ATP1B1: variants seen among roughly 807,000 people sequenced by gnomAD.
The protein encoded by ATP1B1 is ATPase Na+/K+ transporting subunit beta 1.
In ATP1B1, 3 loss-of-function variants were observed where a neutral mutation model predicts 39.6. The observed-to-expected ratio is 0.08, with a 90% CI of 0.03 to 0.20. ATP1B1 has a LOEUF of 0.20. Ranked by LOEUF, ATP1B1 falls within the 10% of genes least tolerant of loss-of-function variation. ATP1B1 has a pLI of 1.00. For missense variants in ATP1B1, 216 were observed against 371.1 expected, an observed-to-expected ratio of 0.58 and a Z score of 3.43; for synonymous variants, 139 against 135.0, an observed-to-expected ratio of 1.03 and a Z score of -0.20.
chr1:169,126,526 A>G (rs1571227037), intron 3 of ATP1B1, among the ~76,000 whole-genome samples: 1 of 152,196 alleles, frequency 6.6e-6, no homozygotes, highest in African/African-American at 2.4e-5. Flanking sequence ...AGCCTGGGCA[A>G]CACAGCAAGA....
intron 2 of ATP1B1, among the ~76,000 whole-genome samples, chr1:169,114,095 A>G (rs549877121): frequency 8.6e-4 from 113 of 131,634 alleles, no homozygotes; most frequent in Admixed American, 4.1e-3. Flanking sequence ...CACAAAGTGC[A>G]GCTCTTGGGC....
intron 2 of ATP1B1, among the ~76,000 whole-genome samples, chr1:169,118,407 G>C (rs553197276): frequency 1.3e-5 from 2 of 152,228 alleles, no homozygotes; most frequent in African/African-American, 4.8e-5. Context: ...CAGGCAGGGA[G>C]ATTTATTCCT....
In ATP1B1 at chr1:169,131,576, C is replaced by T. The variant is rs14824; in HGVS notation, c.*21C>T. The T allele has an allele frequency of 6.3e-7, 1 of 1,588,244 alleles. No homozygotes were observed. Among genetic ancestry groups the T allele is most frequent in the Admixed American group, 1.9e-5 (1 of 53,876 alleles). ...GCTGATCACAAGCACAAATCTTTCCCACTAGCCATTTAATAAGTTAAAAAA... is the reference window on the plus strand; with the variant it reads ...GCTGATCACAAGCACAAATCTTTCCTACTAGCCATTTAATAAGTTAAAAAA... On this transcript the variant is annotated 3_prime_UTR_variant, in exon 6 of 6. Transcript: ENST00000367815. This position sits in a 1 kb window ranked among gnomAD's most constrained non-coding sequence, Gnocchi z 4.4.
At chr1:169,107,577 T>G (rs1464323847) in intron 1 of ATP1B1, among the ~76,000 whole-genome samples, 1 of 152,024 alleles carries the variant, frequency 6.6e-6, no homozygotes, top group East Asian at 1.9e-4. Flanking sequence ...AAAGTCTGGT[T>G]GTTTTCAAGG....
chr1:169,128,090 A>G (rs115623296), intron 4 of ATP1B1, among the ~76,000 whole-genome samples: 342 of 152,246 alleles, frequency 2.2e-3, no homozygotes, highest in Non-Finnish European at 4.3e-3. Flanking sequence ...ATAAGAATGG[A>G]AAATTTATCG....
At chr1:169,116,047 G>A (rs766341151) in intron 2 of ATP1B1, among the ~76,000 whole-genome samples, 5 of 152,188 alleles carry the variant, frequency 3.3e-5, no homozygotes, top group African/African-American at 4.8e-5. Context: ...GCACAGGCAC[G>A]CACACCCACG....
intron 2 of ATP1B1, among the ~76,000 whole-genome samples, chr1:169,113,354 A>T (rs775078836): frequency 6.6e-6 from 1 of 152,154 alleles, no homozygotes; most frequent in Non-Finnish European, 1.5e-5. Flanking sequence ...AGCATGAGCT[A>T]CCATGCCTGG....
intron 1 of ATP1B1, chr1:169,110,835 C>A: frequency 2.1e-6 from 1 of 476,690 alleles, no homozygotes; most frequent in Non-Finnish European, 3.3e-6. Flanking sequence ...GATATCATCA[C>A]TGGGTTTCTC....
rs1432022041 is a variant in ATP1B1 at position 169,132,632 on chromosome 1, CAT to C, written c.*1080_*1081del. On this transcript the variant is annotated 3_prime_UTR_variant, in exon 6 of 6. Coordinates refer to ENST00000367815, the MANE Select transcript of ATP1B1 (RefSeq NM_001677.4). ...CTACAGTGCAAAATCCATGTTCTAA[CAT>C]ATGTAATAATTGCCAGGAGTACAGT... 8 of 640,046 alleles carry C rather than the reference CAT, an allele frequency of 1.2e-5. No homozygotes were observed. Among genetic ancestry groups the C allele is most frequent in the East Asian group, 5.8e-5 (2 of 34,586 alleles). The allele number at this position is 640,046 out of a possible 1,614,324, so 39.6% of individuals were successfully genotyped here. A position where few individuals can be genotyped will look rare whatever the true frequency, so the allele number is the denominator to read the frequency against.
intron 2 of ATP1B1, among the ~76,000 whole-genome samples, chr1:169,113,859 T>G (rs1214090211): frequency 6.6e-6 from 1 of 152,224 alleles, no homozygotes; most frequent in Non-Finnish European, 1.5e-5. Context: ...TTCCTTGTTC[T>G]TTGGCCTGGT....
chr1:169,129,922 T>A, intron 4 of ATP1B1, 88 bp from the exon 5 acceptor site: 1 of 1,266,180 alleles, frequency 7.9e-7, no homozygotes, highest in Non-Finnish European at 1.1e-6. Flanking sequence ...GACCAGTGTG[T>A]ACTTGTTTGG....
At chr1:169,115,448 A>G (rs1657823607) in intron 2 of ATP1B1, among the ~76,000 whole-genome samples, 1 of 150,496 alleles carries the variant, frequency 6.6e-6, no homozygotes, top group African/African-American at 2.4e-5. Flanking sequence ...CCCTGGGTTC[A>G]AGCGATTCTC....
chr1:169,127,530 A>G, intron 4 of ATP1B1, 122 bp downstream of exon 4: 2 of 1,080,420 alleles, frequency 1.9e-6, no homozygotes, highest in South Asian at 3.4e-5. Flanking sequence ...AAACGTAGCC[A>G]GTAGAGTAAC....
At chr1:169,111,311 A>G in intron 1 of ATP1B1, 59 bp from the exon 2 acceptor site, 7 of 1,600,238 alleles carry the variant, frequency 4.4e-6, no homozygotes, top group Non-Finnish European at 6.0e-6. Context: ...TGGGAAGATT[A>G]AACTTTCATT....
At chr1:169,109,718 G>GTT (rs1324952764) in intron 1 of ATP1B1, among the ~76,000 whole-genome samples, 1 of 145,730 alleles carries the variant, frequency 6.9e-6, no homozygotes, top group Non-Finnish European at 1.5e-5. Flanking sequence ...GTATAGAGAT[G>GTT]TTTCAGTTGT....
At chr1:169,125,282 AT>A (rs1177465878) in intron 3 of ATP1B1, among the ~76,000 whole-genome samples, 1 of 152,018 alleles carries the variant, frequency 6.6e-6, no homozygotes, top group African/African-American at 2.4e-5. Context: ...CCTAGGTACT[AT>A]TTTTTACTAT....
chr1:169,121,420 G>C (rs762724504), intron 2 of ATP1B1, among the ~76,000 whole-genome samples: 1 of 152,188 alleles, frequency 6.6e-6, no homozygotes, highest in African/African-American at 2.4e-5. Flanking sequence ...GATGTTTTGA[G>C]TCTGACACAT....
Position 169,132,123 on chromosome 1 carries a change from CTTTA to C in ATP1B1, c.*572_*575del. The C allele has an allele frequency of 2.7e-6, 1 of 374,872 alleles. No individual in the cohort carries two copies. The allele number at this position is 374,872 out of a possible 1,614,324, so 23.2% of individuals were successfully genotyped here. On this transcript the variant is annotated 3_prime_UTR_variant, in exon 6 of 6. Coordinates refer to ENST00000367815, the MANE Select transcript of ATP1B1 (RefSeq NM_001677.4). The stretch of plus-strand genomic sequence containing the variant: ...ATAGTCTTTTCCTGTGGTGTTAGGT[CTTTA>C]TTTTTATTTTTTTCCTGGGGGCTGG...
chr1:169,107,124 C>T (rs1299202870), intron 1 of ATP1B1, among the ~76,000 whole-genome samples, 198 bp downstream of exon 1: 2 of 152,180 alleles, frequency 1.3e-5, no homozygotes, highest in Non-Finnish European at 2.9e-5. Context: ...GAGTGGGGCG[C>T]AGGGTCGGGG....
Sources: gnomAD v4.1 joint callset for allele counts (sites outside exome capture counted in the v4.1 genomes callset) on GRCh38, gnomAD v4.1.1 for gene constraint, Gnocchi (gnomAD v3.1) non-coding constraint, MANE v1.5 for transcripts, NCBI Gene and HGNC (gene_info 2026-07-23, HGNC 2026-07-21) for gene names.